PTPRD: variants seen among roughly 807,000 people sequenced by gnomAD.
PTPRD encodes the protein receptor-type tyrosine-protein phosphatase delta.
In PTPRD, 34 loss-of-function variants were observed where a neutral mutation model predicts 214.5. That is an observed-to-expected ratio of 0.16 (90% confidence interval 0.12 to 0.21). The LOEUF is 0.21. Among genes scored for constraint, PTPRD ranks in the 10% least tolerant of loss-of-function variants. PTPRD has a pLI of 1.00. For synonymous variants in PTPRD, 1,128 were observed against 845.7 expected (o/e 1.33, Z -5.79); for missense variants, 2,545 against 2,398.7 (o/e 1.06, Z -1.27).
intron 10 of PTPRD, among the ~76,000 whole-genome samples, chr9:9,166,233 G>C (rs1322334647): frequency 6.6e-6 from 1 of 151,660 alleles, no homozygotes; most frequent in Non-Finnish European, 1.5e-5. Context: ...ATAGAGGAGA[G>C]TTGAGAGAAA....
intron 11 of PTPRD, among the ~76,000 whole-genome samples, chr9:8,880,600 T>C (rs906808958): frequency 1.3e-5 from 2 of 152,074 alleles, no homozygotes; most frequent in African/African-American, 4.8e-5. Flanking sequence ...AACAAGCAAA[T>C]AGACCAGGTA....
At chr9:8,914,221 C>T (rs1056855311) in intron 11 of PTPRD, among the ~76,000 whole-genome samples, 4 of 152,138 alleles carry the variant, frequency 2.6e-5, no homozygotes, top group Non-Finnish European at 4.4e-5. Context: ...TTAACAATTA[C>T]TATTTTAATT....
chr9:8,814,542 T>C (rs556994978), intron 11 of PTPRD, among the ~76,000 whole-genome samples: 1 of 152,244 alleles, frequency 6.6e-6, no homozygotes, highest in South Asian at 2.1e-4. Context: ...AAGACATACC[T>C]GAGGCGGAAA....
chr9:10,412,633 A>C (rs28809281), intron 2 of PTPRD, among the ~76,000 whole-genome samples: 2 of 147,752 alleles, frequency 1.4e-5, no homozygotes, highest in Non-Finnish European at 3.0e-5. Flanking sequence ...CACACACACA[A>C]ACACACACAC....
chr9:9,536,487 T>A (rs2076543222), intron 8 of PTPRD, among the ~76,000 whole-genome samples: 1 of 152,066 alleles, frequency 6.6e-6, no homozygotes, highest in Admixed American at 6.6e-5. Flanking sequence ...GTAATATCCA[T>A]GCATCTGTTG....
intron 11 of PTPRD, among the ~76,000 whole-genome samples, chr9:8,762,257 C>T (rs1432705920): frequency 2.6e-5 from 4 of 152,088 alleles, no homozygotes; most frequent in Admixed American, 6.6e-5. Context: ...CAAGTTTGAA[C>T]ATCAAAACGA....
chr9:10,412,098 A>C (rs1488375236), intron 2 of PTPRD, among the ~76,000 whole-genome samples: 1 of 151,798 alleles, frequency 6.6e-6, no homozygotes, highest in African/African-American at 2.4e-5. Flanking sequence ...TCTGCAGTGC[A>C]TTAGAAACAG....
chr9:9,846,146 C>T (rs1378150185), intron 5 of PTPRD, among the ~76,000 whole-genome samples: 1 of 151,972 alleles, frequency 6.6e-6, no homozygotes, highest in Non-Finnish European at 1.5e-5. Context: ...TGCTTCCTCC[C>T]TCCCCAAGCA....
At chr9:8,353,748 C>T (rs1490976208) in intron 39 of PTPRD, among the ~76,000 whole-genome samples, 5 of 151,484 alleles carry the variant, frequency 3.3e-5, no homozygotes, top group Admixed American at 3.3e-4. Context: ...CTGCCCATTG[C>T]CTCTTCTAAC....
chr9:9,889,600 C>A (rs1417620374), intron 5 of PTPRD, among the ~76,000 whole-genome samples: 10 of 152,054 alleles, frequency 6.6e-5, no homozygotes, highest in African/African-American at 2.4e-4. Context: ...TGATTTACTG[C>A]CTCTCAGCCC....
intron 9 of PTPRD, among the ~76,000 whole-genome samples, chr9:9,382,693 C>T (rs964202120): frequency 6.6e-6 from 1 of 152,030 alleles, no homozygotes; most frequent in African/African-American, 2.4e-5. Context: ...GACTCTTGCA[C>T]ATTGTAGGTG....
intron 3 of PTPRD, among the ~76,000 whole-genome samples, chr9:10,060,306 A>G (rs2097735095): frequency 6.6e-6 from 1 of 152,074 alleles, no homozygotes; most frequent in South Asian, 2.1e-4. Flanking sequence ...AAAGAAAAGA[A>G]TGGGGAGAAA....
chr9:8,452,338 T>G (rs1185201723), intron 33 of PTPRD, among the ~76,000 whole-genome samples: 1 of 152,226 alleles, frequency 6.6e-6, no homozygotes, highest in Admixed American at 6.5e-5. Context: ...GAATGATTGT[T>G]TTCTAACACA....
At chr9:10,524,932 A>G (rs2053759167) in intron 2 of PTPRD, among the ~76,000 whole-genome samples, 1 of 151,998 alleles carries the variant, frequency 6.6e-6, no homozygotes, top group Non-Finnish European at 1.5e-5. Context: ...GCTAAAAAAA[A>G]AAGCAAAATA....
At chr9:10,350,980 A>G (rs946199581) in intron 2 of PTPRD, among the ~76,000 whole-genome samples, 9 of 152,274 alleles carry the variant, frequency 5.9e-5, no homozygotes, top group African/African-American at 1.9e-4. Flanking sequence ...CAGAGAAGAG[A>G]TGGGTATAAT....
chr9:9,400,892 C>G (rs2070132091), intron 8 of PTPRD, among the ~76,000 whole-genome samples: 1 of 152,082 alleles, frequency 6.6e-6, no homozygotes, highest in Non-Finnish European at 1.5e-5. Context: ...CCATCCACTT[C>G]TCCATATTCG....
chr9:10,413,912 A>G (rs985559302), intron 2 of PTPRD, among the ~76,000 whole-genome samples: 2 of 151,946 alleles, frequency 1.3e-5, no homozygotes, highest in African/African-American at 4.8e-5. Flanking sequence ...CATGCAGCAG[A>G]TTGAAACTGG....
chr9:10,297,134 A>ATT (rs982010945), intron 3 of PTPRD, among the ~76,000 whole-genome samples: 6 of 147,512 alleles, frequency 4.1e-5, no homozygotes, highest in African/African-American at 1.5e-4. Context: ...ATATATATAT[A>ATT]TTTTTATTAT....
At chr9:9,708,692 A>G (rs2097671252) in intron 7 of PTPRD, among the ~76,000 whole-genome samples, 1 of 152,040 alleles carries the variant, frequency 6.6e-6, no homozygotes. Context: ...TTTTAAAAAG[A>G]GAGATAAGTC....
Sources: gnomAD v4.1 joint callset for allele counts (sites outside exome capture counted in the v4.1 genomes callset) on GRCh38, gnomAD v4.1.1 for gene constraint, MANE v1.5 for transcripts, NCBI Gene and HGNC (gene_info 2026-07-23, HGNC 2026-07-21) for gene names.